Variants in NCOA2 observed in about 807,000 individuals in gnomAD.
The protein encoded by NCOA2 is class E basic helix-loop-helix protein 75.
In NCOA2, 21 loss-of-function variants were observed where a neutral mutation model predicts 145.1. That is an observed-to-expected ratio of 0.14 (90% CI 0.10 to 0.21). NCOA2 has a LOEUF of 0.21. NCOA2 is among the 10% of genes least tolerant of loss of function. The probability of loss-of-function intolerance (pLI) is 1.00; values close to 1 mark genes in which losing one functional copy is unlikely to be tolerated. For synonymous variants in NCOA2, 619 were observed against 637.5 expected (o/e 0.97, Z 0.44); for missense variants, 1,472 against 1,837.6 (o/e 0.80, Z 3.64).
chr8:70,262,073 C>T (rs1351938656), intron 2 of NCOA2, among the ~76,000 whole-genome samples: 1 of 151,932 alleles, frequency 6.6e-6, no homozygotes, highest in Non-Finnish European at 1.5e-5. Flanking sequence ...AAAAAATTAG[C>T]AAGCACCTCA....
At chr8:70,439,472 G>T in the NCOA2 span, among the ~76,000 whole-genome samples, 17 of 152,282 alleles carry the variant, frequency 1.1e-4, no homozygotes, top group East Asian at 2.9e-3. Context: ...AGGCACTCGG[G>T]GGGAGGAAAC....
At chr8:70,292,971 G>A (rs1415444844) in intron 2 of NCOA2, among the ~76,000 whole-genome samples, 8 of 152,160 alleles carry the variant, frequency 5.3e-5, no homozygotes, top group African/African-American at 9.7e-5. Context: ...AAGTGCAGAG[G>A]AGTCTACCCT....
chr8:70,132,739 ATTT>A (rs1236324014), intron 15 of NCOA2, among the ~76,000 whole-genome samples: 4 of 151,786 alleles, frequency 2.6e-5, no homozygotes, highest in Non-Finnish European at 4.4e-5. Flanking sequence ...AATTTTTTGT[ATTT>A]TTTTGTAGAG....
chr8:70,159,414 C>G, intron 10 of NCOA2, 91 bp downstream of exon 10: 1 of 1,193,494 alleles, frequency 8.4e-7, no homozygotes, highest in African/African-American at 1.5e-5. Context: ...AAATGTCTAA[C>G]AAATCCTCAA....
At chr8:70,251,306 C>G (rs1415618578) in intron 2 of NCOA2, among the ~76,000 whole-genome samples, 1 of 152,164 alleles carries the variant, frequency 6.6e-6, no homozygotes, top group African/African-American at 2.4e-5. Flanking sequence ...AGATTATACC[C>G]ACACAAAAGA....
At chr8:70,217,142 C>A (rs1400840269) in intron 2 of NCOA2, among the ~76,000 whole-genome samples, 2 of 152,162 alleles carry the variant, frequency 1.3e-5, no homozygotes, top group African/African-American at 4.8e-5. Flanking sequence ...GTAAGGGGCT[C>A]CTCCCAGTCT....
intron 1 of NCOA2, among the ~76,000 whole-genome samples, chr8:70,376,095 C>T (rs1586632346): frequency 2.0e-5 from 3 of 151,990 alleles, no homozygotes; most frequent in Admixed American, 6.6e-5. Context: ...GTCGTTATTC[C>T]GTAATACACC....
At position 70,141,404 on chromosome 8, in the gene NCOA2, A is replaced by G; in HGVS notation, c.2813-5T>C. On this transcript the variant is annotated splice_region_variant and splice_polypyrimidine_tract_variant and intron_variant, in intron 13 of 22. Coordinates refer to ENST00000452400, the MANE Select transcript of NCOA2 (RefSeq NM_006540.4). The stretch of plus-strand genomic sequence containing the variant: ...AAGCACTGTTACCAATCATTCCTGC[A>G]TGCAAGCCAAAGAAAACTGAGAGAT... 1 of 1,612,896 alleles carries G rather than the reference A, an allele frequency of 6.2e-7. No individual in the cohort carries two copies. The highest frequency in any genetic ancestry group is 8.5e-7 in the Non-Finnish European group (1 of 1,179,268).
At chr8:70,232,952 C>T (rs1040921309) in intron 2 of NCOA2, among the ~76,000 whole-genome samples, 13 of 151,750 alleles carry the variant, frequency 8.6e-5, no homozygotes, top group Admixed American at 6.6e-4. Context: ...GTCGGCCAGG[C>T]GCGGTAGCTC....
chr8:70,160,497 A>G (rs1422783325), intron 9 of NCOA2, among the ~76,000 whole-genome samples: 4 of 152,120 alleles, frequency 2.6e-5, no homozygotes, highest in Non-Finnish European at 5.9e-5. Context: ...ATTTCAATTC[A>G]GTTAAAAAAA....
intron 1 of NCOA2, among the ~76,000 whole-genome samples, chr8:70,328,940 C>T (rs1248906514): frequency 6.6e-6 from 1 of 152,038 alleles, no homozygotes; most frequent in Non-Finnish European, 1.5e-5. Context: ...ATACTTTATT[C>T]TCAAGACCCA....
At chr8:70,410,501 A>G in the NCOA2 span, among the ~76,000 whole-genome samples, 1 of 151,876 alleles carries the variant, frequency 6.6e-6, no homozygotes, top group African/African-American at 2.4e-5. Flanking sequence ...TGGCTTTTTT[A>G]TTTATTTATT....
At chr8:70,373,037 C>G (rs1784245394) in intron 1 of NCOA2, among the ~76,000 whole-genome samples, 1 of 152,038 alleles carries the variant, frequency 6.6e-6, no homozygotes. Context: ...GAGGTTTTAT[C>G]CAGTTTGAGA....
chr8:70,407,250 T>C (rs967481432), upstream of NCOA2, among the ~76,000 whole-genome samples: 1 of 152,214 alleles, frequency 6.6e-6, no homozygotes, highest in African/African-American at 2.4e-5. Flanking sequence ...TATTGTTTGC[T>C]CTCTTCTAAA....
intron 1 of NCOA2, among the ~76,000 whole-genome samples, chr8:70,349,414 A>G (rs564936930): frequency 1.3e-3 from 193 of 152,306 alleles, no homozygotes; most frequent in African/African-American, 4.6e-3. Context: ...AATTATCTCA[A>G]GTTAAATTTA....
chr8:70,164,864 C>T (rs1018011183), intron 7 of NCOA2, among the ~76,000 whole-genome samples: 5 of 151,410 alleles, frequency 3.3e-5, no homozygotes, highest in Admixed American at 3.3e-4. Context: ...CTCATTTAAT[C>T]CTCTTAACAG....
Position 70,243,354 on chromosome 8 carries a change from T to A in NCOA2, c.-19-26590A>T, listed in dbSNP as rs561214859. Among the ~76,000 whole-genome samples the A allele has an allele frequency of 1.2e-4, 18 of 152,192 alleles. No individual in the cohort carries two copies. In the South Asian group the frequency reaches 3.7e-3, roughly 32 times the overall value. On this transcript the variant is annotated intron_variant, in intron 2 of 22. Transcript: ENST00000452400. ...AGTACTCTCTCAACAGTCAGATAAG[T>A]TTTATTCCTTTTAGCCATTTTAAAT... is the stretch of plus-strand genomic sequence containing the variant.
intron 21 of NCOA2, among the ~76,000 whole-genome samples, chr8:70,122,445 C>CTA (rs909424891): frequency 8.0e-5 from 12 of 150,362 alleles, no homozygotes; most frequent in Non-Finnish European, 1.8e-4. Context: ...TTTTCAGAGA[C>CTA]AGAGTCTTAC....
chr8:70,418,883 C>T, the NCOA2 span, among the ~76,000 whole-genome samples: 1 of 152,060 alleles, frequency 6.6e-6, no homozygotes, highest in Non-Finnish European at 1.5e-5. Flanking sequence ...TTTTAGCAAA[C>T]TTGCTCTAAA....
Sources: gnomAD v4.1 joint callset for allele counts (sites outside exome capture counted in the v4.1 genomes callset) on GRCh38, gnomAD v4.1.1 for gene constraint, MANE v1.5 for transcripts, NCBI Gene and HGNC (gene_info 2026-07-23, HGNC 2026-07-21) for gene names.